FRY: variants seen among roughly 807,000 people sequenced by gnomAD.
The protein encoded by FRY is protein furry homolog.
In FRY, 128 loss-of-function variants were observed where a neutral mutation model predicts 348.4. The observed-to-expected ratio is 0.37, with a 90% CI of 0.32 to 0.43. The LOEUF is 0.43. Among genes scored for constraint, FRY ranks in the 20% least tolerant of loss-of-function variants. The pLI, the probability that FRY is intolerant of heterozygous loss-of-function variation, is 1.00. For synonymous variants in FRY, 1,370 were observed against 1,374.7 expected (o/e 1.00, Z 0.08); for missense variants, 2,736 against 3,695.2 (o/e 0.74, Z 6.73).
intron 7 of FRY, among the ~76,000 whole-genome samples, chr13:32,128,234 T>C (rs1879146628): frequency 6.6e-6 from 1 of 152,178 alleles, no homozygotes; most frequent in Non-Finnish European, 1.5e-5. Flanking sequence ...TCTGAAATCC[T>C]CTCTAATTAA....
chr13:32,117,028 G>C (rs1259882179), intron 3 of FRY, among the ~76,000 whole-genome samples: 1 of 152,176 alleles, frequency 6.6e-6, no homozygotes. Context: ...GCAGATGAAC[G>C]TGGGAACATA....
At chr13:32,094,392 G>C (rs1876547748) in intron 2 of FRY, among the ~76,000 whole-genome samples, 3 of 152,012 alleles carry the variant, frequency 2.0e-5, no homozygotes, top group Admixed American at 2.0e-4. Flanking sequence ...TTACTTTAAA[G>C]TGCACAATTA....
At chr13:32,036,832 C>T (rs1301691085) in intron 1 of FRY, among the ~76,000 whole-genome samples, 1 of 151,922 alleles carries the variant, frequency 6.6e-6, no homozygotes, top group Non-Finnish European at 1.5e-5. Context: ...CTCCCCCAGT[C>T]CAGGTGATAA....
chr13:32,199,524 A>G (rs1371127363), intron 29 of FRY, among the ~76,000 whole-genome samples: 1 of 152,194 alleles, frequency 6.6e-6, no homozygotes, highest in Non-Finnish European at 1.5e-5. Context: ...AGACAGCTGA[A>G]ATATCAAAAT....
chr13:32,227,912 C>A (rs533256794), intron 39 of FRY, among the ~76,000 whole-genome samples: 1 of 152,092 alleles, frequency 6.6e-6, no homozygotes, highest in Non-Finnish European at 1.5e-5. Context: ...CCACCACGCT[C>A]GGCTAATTTT....
At chr13:32,041,873 C>A (rs1232672972) in intron 1 of FRY, among the ~76,000 whole-genome samples, 1 of 152,194 alleles carries the variant, frequency 6.6e-6, no homozygotes, top group Non-Finnish European at 1.5e-5. Context: ...ATTGAGAGAT[C>A]AATTTTTGAA....
At chr13:32,069,014 C>T (rs1340311172) in intron 1 of FRY, among the ~76,000 whole-genome samples, 1 of 150,284 alleles carries the variant, frequency 6.7e-6, no homozygotes, top group African/African-American at 2.4e-5. Flanking sequence ...CTGCCGGGTT[C>T]ACGCCCATTC....
At chr13:32,178,587 T>C in intron 21 of FRY, 151 bp downstream of exon 21, 1 of 966,248 alleles carries the variant, frequency 1.0e-6, no homozygotes, top group Non-Finnish European at 1.5e-6. Flanking sequence ...ATTAAAAAAA[T>C]TTTGTCTAAA....
Position 32,101,963 on chromosome 13 carries a change from GA to G in FRY, c.275del (p.Lys92SerfsTer3). The G allele has an allele frequency of 2.7e-6, 4 of 1,481,184 alleles. No homozygotes were observed. Among genetic ancestry groups the G allele is most frequent in the Non-Finnish European group, 2.8e-6 (3 of 1,059,052 alleles). The allele number at this position is 1,481,184 out of a possible 1,614,324, so 91.8% of individuals were successfully genotyped here. A position where few individuals can be genotyped will look rare whatever the true frequency, so the allele number is the denominator to read the frequency against. ...KIRIIMAEPL[E>X]KPLTKSLQRG... ...TTGCATATATTCTTTTTCTTTCTAG[GA>G]AAAGCCATTGACAAAATCTCTGCAA... On this transcript the variant is annotated frameshift_variant and splice_region_variant, in exon 3 of 61. Transcript: ENST00000542859. LOFTEE classifies it high-confidence loss of function.
intron 31 of FRY, among the ~76,000 whole-genome samples, chr13:32,206,280 A>G (rs527601603): frequency 6.6e-6 from 1 of 152,184 alleles, no homozygotes; most frequent in Non-Finnish European, 1.5e-5. Flanking sequence ...GAAGGAATGG[A>G]GGGAGAACAC....
At chr13:32,047,166 T>C (rs1307157768) in intron 1 of FRY, among the ~76,000 whole-genome samples, 2 of 152,238 alleles carry the variant, frequency 1.3e-5, no homozygotes, top group Non-Finnish European at 2.9e-5. Context: ...ATTTATGAAG[T>C]GTTTAGCATA....
At chr13:32,037,484 T>G (rs1483134953) in intron 1 of FRY, among the ~76,000 whole-genome samples, 1 of 152,206 alleles carries the variant, frequency 6.6e-6, no homozygotes, top group African/African-American at 2.4e-5. Context: ...ACTTGATAGC[T>G]CTGGCCTGCT....
intron 3 of FRY, among the ~76,000 whole-genome samples, chr13:32,113,703 C>T (rs1365389122): frequency 5.3e-5 from 8 of 152,224 alleles, no homozygotes; most frequent in African/African-American, 1.9e-4. Flanking sequence ...TAGAATTCAT[C>T]TTACCATTGG....
chr13:32,177,245 A>G (rs935104172), intron 20 of FRY, among the ~76,000 whole-genome samples: 21 of 152,184 alleles, frequency 1.4e-4, no homozygotes, highest in Non-Finnish European at 8.8e-5. Flanking sequence ...TTATCTTTCA[A>G]GAGATTTCAA....
chr13:32,200,061 T>G (rs1883914969), intron 29 of FRY, among the ~76,000 whole-genome samples: 1 of 152,164 alleles, frequency 6.6e-6, no homozygotes, highest in Admixed American at 6.5e-5. Flanking sequence ...TGCTAGCTTC[T>G]CTTCCTCCTC....
intron 35 of FRY, among the ~76,000 whole-genome samples, chr13:32,214,326 C>G (rs1884856342): frequency 6.6e-6 from 1 of 152,224 alleles, no homozygotes; most frequent in Non-Finnish European, 1.5e-5. Flanking sequence ...GACTGCGTAT[C>G]TCTTACACCA....
chr13:32,274,481 G>A (rs1012000177), intron 55 of FRY, among the ~76,000 whole-genome samples: 26 of 150,602 alleles, frequency 1.7e-4, no homozygotes, highest in African/African-American at 6.2e-4. Context: ...GCCGAGGCGG[G>A]CGGATCACAA....
intron 59 of FRY, among the ~76,000 whole-genome samples, chr13:32,291,292 TTC>T (rs2081247675): frequency 6.6e-6 from 1 of 152,226 alleles, no homozygotes; most frequent in South Asian, 2.1e-4. Context: ...AAAGTAGGCC[TTC>T]ACAACCAGTT....
At chr13:32,247,203 T>C (rs1886855399) in intron 47 of FRY, 120 bp from the exon 48 acceptor site, 1 of 763,064 alleles carries the variant, frequency 1.3e-6, no homozygotes, top group African/African-American at 1.7e-5. Flanking sequence ...TGGAACCTGC[T>C]GCGCTGTTTT....
Sources: gnomAD v4.1 joint callset for allele counts (sites outside exome capture counted in the v4.1 genomes callset) on GRCh38, gnomAD v4.1.1 for gene constraint, MANE v1.5 for transcripts, NCBI Gene and HGNC (gene_info 2026-07-23, HGNC 2026-07-21) for gene names.